MAPK10: variants seen among roughly 807,000 people sequenced by gnomAD.
MAPK10 encodes the protein mitogen-activated protein kinase 10.
MAPK10 carries 25 observed loss-of-function variants against 59.3 expected under a neutral mutation model. The ratio of observed to expected loss-of-function variants is 0.42; its 90% CI spans 0.31 to 0.59. The LOEUF (loss-of-function observed/expected upper bound fraction) is 0.59, where lower values mean the gene tolerates loss of function less well. Among genes scored for constraint, MAPK10 ranks in the 20% least tolerant of loss-of-function variants. MAPK10 has a pLI of 0.15. For missense variants in MAPK10, 351 were observed against 568.9 expected (o/e 0.62, Z 3.90); for synonymous variants, 190 against 200.5 (o/e 0.95, Z 0.44).
intron 2 of MAPK10, among the ~76,000 whole-genome samples, chr4:86,297,911 C>G (rs1370452627): frequency 6.6e-6 from 1 of 152,164 alleles, no homozygotes. Flanking sequence ...TGACTGGCCC[C>G]TGCTTATTTC....
In MAPK10 at chr4:86,583,711, C is replaced by A. The variant is rs1404087709; in HGVS notation, c.-263+10199G>T. Among the ~76,000 whole-genome samples, 8 of 152,296 alleles carry A rather than the reference C, an allele frequency of 5.3e-5. No individual in the cohort carries two copies. The East Asian group carries it at 1.5e-3, about 29-fold the overall frequency. ...GAGAAAATAACCCTTTCTGTTTAAG[C>A]CACTGCTTATCAGATACTCTGTTAC... On this transcript the variant is annotated intron_variant, in intron 1 of 4. Coordinates refer to the MAPK10 transcript ENST00000502302.
chr4:86,163,585 AC>A (rs1464733784), intron 3 of MAPK10, among the ~76,000 whole-genome samples: 2 of 152,158 alleles, frequency 1.3e-5, no homozygotes, highest in Admixed American at 1.3e-4. Context: ...TACTTGGTCT[AC>A]AGCAGAGATT....
intron 1 of MAPK10, among the ~76,000 whole-genome samples, chr4:86,433,295 C>T (rs1044972685): frequency 1.3e-5 from 2 of 152,146 alleles, no homozygotes; most frequent in African/African-American, 2.4e-5. Context: ...CCCCAACCCC[C>T]ATGCTGCAGG....
chr4:86,097,540 T>C (rs1438013548), intron 9 of MAPK10, among the ~76,000 whole-genome samples: 2 of 152,046 alleles, frequency 1.3e-5, no homozygotes, highest in African/African-American at 2.4e-5. Flanking sequence ...TTATTGCCAA[T>C]TTCCAAAACA....
In MAPK10 at chr4:86,249,913, T is replaced by A. The variant is rs191584973; in HGVS notation, c.-6-55506A>T. ...CACATTTCTGACTATGGAGTCTGCA[T>A]TTGACAGAACCATCCTGAGAATGGG... On this transcript the variant is annotated intron_variant, in intron 2 of 13. Transcript: ENST00000641462. Among the ~76,000 whole-genome samples, 143 of 152,292 alleles carry A rather than the reference T, an allele frequency of 9.4e-4. 1 individual carries two copies. The highest frequency in any genetic ancestry group is 1.6e-3 in the Non-Finnish European group (108 of 68,024).
At chr4:86,188,455 G>A (rs1044244986) in intron 3 of MAPK10, among the ~76,000 whole-genome samples, 2 of 152,152 alleles carry the variant, frequency 1.3e-5, no homozygotes, top group Non-Finnish European at 2.9e-5. Flanking sequence ...GGCATGAGAT[G>A]TTATCTCATT....
chr4:86,184,540 A>G (rs564103269), intron 3 of MAPK10, among the ~76,000 whole-genome samples: 2 of 152,222 alleles, frequency 1.3e-5, no homozygotes, highest in African/African-American at 2.4e-5. Context: ...TTCAAATCTC[A>G]TGTTAAAATG....
At chr4:86,216,881 T>G (rs1244465748) in intron 2 of MAPK10, among the ~76,000 whole-genome samples, 1 of 152,178 alleles carries the variant, frequency 6.6e-6, no homozygotes, top group South Asian at 2.1e-4. Flanking sequence ...TCTACTTTTA[T>G]GTATATTTGT....
chr4:86,129,179 C>A (rs1201122036), intron 4 of MAPK10, among the ~76,000 whole-genome samples: 1 of 152,006 alleles, frequency 6.6e-6, no homozygotes, highest in African/African-American at 2.4e-5. Context: ...TTTGGCAAAC[C>A]AGTAGAGATA....
At chr4:86,115,004 C>T (rs143170031) in intron 4 of MAPK10, among the ~76,000 whole-genome samples, 62 of 152,376 alleles carry the variant, frequency 4.1e-4, no homozygotes, top group African/African-American at 1.4e-3. Context: ...GTTCAAACCA[C>T]CCAGTCTCCC....
chr4:86,374,873 G>A (rs1578968660), intron 1 of MAPK10, among the ~76,000 whole-genome samples: 2 of 152,128 alleles, frequency 1.3e-5, no homozygotes, highest in Admixed American at 6.6e-5. Flanking sequence ...GATTGAAGAC[G>A]TCATCTATAG....
intron 3 of MAPK10, among the ~76,000 whole-genome samples, chr4:86,182,679 T>C (rs558232828): frequency 6.6e-4 from 101 of 152,206 alleles, no homozygotes; most frequent in Middle Eastern, 3.4e-3. Context: ...TTTCTTTAAA[T>C]TGCTAGAGAA....
chr4:86,572,641 T>C (rs1761550472), intron 1 of MAPK10, among the ~76,000 whole-genome samples: 1 of 152,212 alleles, frequency 6.6e-6, no homozygotes, highest in Non-Finnish European at 1.5e-5. Context: ...CAGTGGAATA[T>C]TAAGCCGAAT....
At chr4:86,165,583 T>A (rs974567186) in intron 3 of MAPK10, among the ~76,000 whole-genome samples, 5 of 109,528 alleles carry the variant, frequency 4.6e-5, no homozygotes, top group Non-Finnish European at 7.3e-5. Context: ...TTTTTTTTTT[T>A]AGAGATGAGG....
intron 1 of MAPK10, among the ~76,000 whole-genome samples, chr4:86,374,915 T>C (rs890700729): frequency 3.9e-5 from 6 of 152,234 alleles, no homozygotes; most frequent in Admixed American, 3.9e-4. Context: ...TGAATGCATG[T>C]GTACATGCAC....
chr4:86,084,474 G>A (rs1487026733), intron 9 of MAPK10, among the ~76,000 whole-genome samples: 1 of 151,962 alleles, frequency 6.6e-6, no homozygotes, highest in African/African-American at 2.4e-5. Context: ...ATCTGAAGAA[G>A]AAATCAAAAG....
At chr4:86,024,157 G>A (rs1251370468) in intron 13 of MAPK10, 1 of 152,006 alleles carries the variant, frequency 6.6e-6, no homozygotes, top group Admixed American at 6.6e-5. Context: ...AAATAAGGGT[G>A]AGATAAGTCT....
At chr4:86,313,398 T>C (rs751311733) in intron 2 of MAPK10, among the ~76,000 whole-genome samples, 3 of 152,098 alleles carry the variant, frequency 2.0e-5, no homozygotes, top group Non-Finnish European at 4.4e-5. Flanking sequence ...TGAACCTTAT[T>C]AAAATTGAAA....
chr4:86,253,309 T>C (rs1184549188), intron 2 of MAPK10, among the ~76,000 whole-genome samples: 1 of 76,560 alleles, frequency 1.3e-5, no homozygotes, highest in Non-Finnish European at 2.3e-5. Context: ...TGGCTGTGGG[T>C]TTGTCATAGA....
Sources: allele counts gnomAD v4.1 joint callset (sites outside exome capture counted in the v4.1 genomes callset), GRCh38; gene constraint gnomAD v4.1.1; transcripts MANE v1.5; gene names NCBI Gene and HGNC (gene_info 2026-07-23, HGNC 2026-07-21).